DCP2: variants seen among roughly 807,000 people sequenced by gnomAD.
DCP2 encodes the protein decapping mRNA 2.
A neutral mutation model predicts 56.1 loss-of-function variants in DCP2; 30 were observed. The observed-to-expected ratio is 0.53, with a 90% CI of 0.40 to 0.73. DCP2 has a LOEUF of 0.73. DCP2 is among the 30% of genes least tolerant of loss of function. The pLI, the probability that DCP2 is intolerant of heterozygous loss-of-function variation, is 0.00. For missense variants in DCP2, 533 were observed against 502.7 expected (o/e 1.06, Z -0.58); for synonymous variants, 197 against 163.3 (o/e 1.21, Z -1.57).
intron 4 of DCP2, among the ~76,000 whole-genome samples, chr5:112,994,571 G>C (rs555013800): frequency 1.1e-3 from 175 of 152,176 alleles, no homozygotes; most frequent in African/African-American, 3.9e-3. Flanking sequence ...TGTCTTTACT[G>C]TTCACTATTA....
chr5:113,006,563 A>G (rs1247923836), intron 8 of DCP2, among the ~76,000 whole-genome samples: 1 of 152,190 alleles, frequency 6.6e-6, no homozygotes, highest in African/African-American at 2.4e-5. Flanking sequence ...TTTTCCAGCT[A>G]TTTTAGCAAC....
In DCP2 at chr5:113,001,651, T is replaced by TA. The variant is rs1306906477; in HGVS notation, c.786dup (p.Pro263ThrfsTer20). ...TTTCCTCAACTGGTAGCACGCCGGC[T>TA]AAACCCACTGTGGAAAAATTGAGGT... is the stretch of plus-strand genomic sequence containing the variant. On this transcript the variant is annotated frameshift_variant, in exon 7 of 11. Transcript: ENST00000389063. LOFTEE classifies it high-confidence loss of function. 6.2e-7 allele frequency: 1 copy of TA among 1,614,156 alleles called. No individual in the cohort carries two copies. The highest frequency in any genetic ancestry group is 1.1e-5 in the South Asian group (1 of 91,088).
At chr5:112,991,503 T>TC (rs1176824767) in intron 2 of DCP2, among the ~76,000 whole-genome samples, 3 of 152,202 alleles carry the variant, frequency 2.0e-5, no homozygotes, top group Admixed American at 2.0e-4. Flanking sequence ...GATTTGCCTT[T>TC]CTCTGTAATC....
Position 113,001,394 on chromosome 5 carries a change from A to G in DCP2, c.623A>G (p.His208Arg). The change falls in exon 6 of 11, where the codon CAT (histidine) becomes CGT (arginine). Residue 208 changes from histidine to arginine, a missense_variant. By Grantham distance (29) the His-to-Arg change is conservative. This residue lies in a region of DCP2 where 392 missense variants were observed against 346.6 expected (regional missense o/e 1.13). Transcript: ENST00000389063. The part of the protein sequence containing the change: ...EWFSIEKLPC[H>R]RNDMTPKSKL... ...TTCTCTATTGAGAAATTGCCTTGTC[A>G]TAGAAATGATATGACCCCCAAATCC... The G allele has an allele frequency of 1.9e-6, 3 of 1,613,848 alleles. No homozygotes were observed. The highest frequency in any genetic ancestry group is 2.5e-6 in the Non-Finnish European group (3 of 1,179,984).
At chr5:113,008,116 C>T (rs902395386) in intron 9 of DCP2, 74 bp downstream of exon 9, 2 of 1,227,856 alleles carry the variant, frequency 1.6e-6, no homozygotes, top group African/African-American at 1.5e-5. Context: ...TGCCAAAGCA[C>T]AGGAATGTTA....
rs2150198273 is a variant in DCP2 at position 113,019,693 on chromosome 5, A to G, written c.*6209A>G. 6.6e-6 allele frequency: 1 copy of G among 152,354 alleles called. No homozygotes were observed. The highest frequency in any genetic ancestry group is 1.5e-5 in the Non-Finnish European group (1 of 68,016). 9.4% of individuals were successfully genotyped at this position (152,354 alleles called of 1,614,324 possible). On this transcript the variant is annotated 3_prime_UTR_variant, in exon 11 of 11. Coordinates refer to ENST00000389063, the MANE Select transcript of DCP2 (RefSeq NM_152624.6). Reference sequence around the variant, plus strand: ...TTTGCTTTATGTCTGTTTTTAAAAAATAATTGTTTTGAAGTTTGCTTATTA... The same window carrying G: ...TTTGCTTTATGTCTGTTTTTAAAAAGTAATTGTTTTGAAGTTTGCTTATTA...
At chr5:113,011,973 T>G (rs1483070807) in intron 10 of DCP2, among the ~76,000 whole-genome samples, 1 of 152,244 alleles carries the variant, frequency 6.6e-6, no homozygotes, top group African/African-American at 2.4e-5. Flanking sequence ...TTATTTCTCC[T>G]CATTAGAGTT....
intron 2 of DCP2, among the ~76,000 whole-genome samples, chr5:112,991,667 A>AT (rs1489146485): frequency 6.6e-6 from 1 of 152,164 alleles, no homozygotes; most frequent in African/African-American, 2.4e-5. Flanking sequence ...TCTTAGCAAT[A>AT]TATTTTCTTC....
chr5:113,012,422 A>G (rs1299763055), intron 10 of DCP2, among the ~76,000 whole-genome samples: 1 of 152,116 alleles, frequency 6.6e-6, no homozygotes, highest in Non-Finnish European at 1.5e-5. Flanking sequence ...GAATATATAA[A>G]ATTTTGAGTT....
At chr5:113,009,616 C>G (rs1164875803) in intron 9 of DCP2, among the ~76,000 whole-genome samples, 1 of 151,928 alleles carries the variant, frequency 6.6e-6, no homozygotes, top group East Asian at 1.9e-4. Context: ...AATGTTCACC[C>G]CCTTTATGAT....
Position 113,001,150 on chromosome 5 carries a change from A to G in DCP2, c.499A>G (p.Ile167Val). 4 of 1,613,890 alleles carry G rather than the reference A, an allele frequency of 2.5e-6. No individual in the cohort carries two copies. Among genetic ancestry groups the G allele is most frequent in the Non-Finnish European group, 3.4e-6 (4 of 1,179,914 alleles). ...ICKDDYIELR[I>V]NDQLARLYII... ...TAAGGATGATTACATTGAACTTCGA[A>G]TCAATGACCAGCTTGCTCGTTTGTA... The change falls in exon 5 of 11, where the codon ATC (isoleucine) becomes GTC (valine). Residue 167 changes from isoleucine to valine, a missense_variant. Coordinates refer to ENST00000389063, the MANE Select transcript of DCP2 (RefSeq NM_152624.6).
At chr5:113,005,761 G>A (rs1269847886) in intron 8 of DCP2, among the ~76,000 whole-genome samples, 1 of 152,168 alleles carries the variant, frequency 6.6e-6, no homozygotes. Flanking sequence ...TCATATGCCT[G>A]TCAACAGATG....
chr5:112,992,869 C>CCTG, intron 4 of DCP2, 99 bp downstream of exon 4: 1 of 756,978 alleles, frequency 1.3e-6, no homozygotes, highest in South Asian at 3.2e-5. Flanking sequence ...TGTCTTAACC[C>CCTG]TTTCCAGAAC....
rs969658909 is a variant in DCP2, at chr5:113,017,452, T to C, written c.*3968T>C. 4.6e-5 allele frequency: 7 copies of C among 152,212 alleles called. No homozygotes were observed. The highest frequency in any genetic ancestry group is 1.7e-4 in the African/African-American group (7 of 41,450). The allele number at this position is 152,212 out of a possible 1,614,324, so 9.4% of individuals were successfully genotyped here. On this transcript the variant is annotated 3_prime_UTR_variant, in exon 11 of 11. Coordinates refer to ENST00000389063, the MANE Select transcript of DCP2 (RefSeq NM_152624.6). Reference sequence around the variant, plus strand: ...TGTATTATGTCCTAAGACTTGAAAGTGCATTTGTCTAGTTGCCAAAAGTTC... The same window carrying C: ...TGTATTATGTCCTAAGACTTGAAAGCGCATTTGTCTAGTTGCCAAAAGTTC...
At chr5:112,980,144 CAG>C (rs1333036469) in intron 1 of DCP2, among the ~76,000 whole-genome samples, 1 of 152,092 alleles carries the variant, frequency 6.6e-6, no homozygotes, top group Non-Finnish European at 1.5e-5. Flanking sequence ...AACTCAAATA[CAG>C]AGTTTTTCAG....
intron 4 of DCP2, among the ~76,000 whole-genome samples, chr5:112,993,228 C>G (rs1412090299): frequency 6.6e-6 from 1 of 152,178 alleles, no homozygotes; most frequent in Non-Finnish European, 1.5e-5. Flanking sequence ...TATTTAAACT[C>G]TGTCCCCTCT....
chr5:112,983,183 G>C (rs770178798), intron 1 of DCP2, among the ~76,000 whole-genome samples: 1 of 152,158 alleles, frequency 6.6e-6, no homozygotes, highest in Non-Finnish European at 1.5e-5. Flanking sequence ...TGAAGTCTGG[G>C]TTTCTCTTCA....
chr5:112,985,272 AAT>A (rs1299608794), intron 1 of DCP2, among the ~76,000 whole-genome samples: 1 of 152,044 alleles, frequency 6.6e-6, no homozygotes, highest in Admixed American at 6.6e-5. Flanking sequence ...ATGTAAAAGA[AAT>A]ATGTCTTTCC....
chr5:112,987,607 C>A (rs1248733396), intron 2 of DCP2, among the ~76,000 whole-genome samples: 1 of 142,808 alleles, frequency 7.0e-6, no homozygotes, highest in South Asian at 2.3e-4. Context: ...TGCAAGCCAC[C>A]ACACCTAGGT....
Sources: gnomAD v4.1 joint callset for allele counts (sites outside exome capture counted in the v4.1 genomes callset) on GRCh38, gnomAD v4.1.1 for gene constraint, gnomAD v4.1.1 regional missense constraint, MANE v1.5 for transcripts, NCBI Gene and HGNC (gene_info 2026-07-23, HGNC 2026-07-21) for gene names.